Variants in PROS1 observed in about 807,000 individuals in gnomAD.
The protein encoded by PROS1 is protein S.
A neutral mutation model predicts 75.9 loss-of-function variants in PROS1; 29 were observed. The observed-to-expected ratio is 0.38, with a 90% CI of 0.28 to 0.52. PROS1 has a LOEUF of 0.52. PROS1 is among the 20% of genes least tolerant of loss of function. PROS1 has a pLI of 0.83. For synonymous variants in PROS1, 245 were observed against 280.6 expected (o/e 0.87, Z 1.27); for missense variants, 680 against 810.3 (o/e 0.84, Z 1.95).
At chr3:93,885,213 C>T (rs1371117118) in intron 11 of PROS1, among the ~76,000 whole-genome samples, 8 of 151,950 alleles carry the variant, frequency 5.3e-5, no homozygotes, top group Non-Finnish European at 1.2e-4. Flanking sequence ...TAGCTGTGGC[C>T]CTGGGCTCTA....
chr3:93,959,926 T>C (rs1422048644), intron 1 of PROS1, among the ~76,000 whole-genome samples: 5 of 152,240 alleles, frequency 3.3e-5, no homozygotes, highest in African/African-American at 1.2e-4. Flanking sequence ...GCTGGTGTGT[T>C]AGCAGGCATA....
At chr3:93,919,637 C>G (rs530413104) in intron 3 of PROS1, among the ~76,000 whole-genome samples, 41 of 152,100 alleles carry the variant, frequency 2.7e-4, no homozygotes, top group Admixed American at 5.2e-4. Flanking sequence ...TTTCACCTTA[C>G]AGCTTGTGAA....
intron 1 of PROS1, among the ~76,000 whole-genome samples, chr3:93,930,664 G>T (rs1164669852): frequency 9.2e-5 from 14 of 152,122 alleles, no homozygotes; most frequent in Non-Finnish European, 1.5e-4. Context: ...GAAAGCAAAG[G>T]TCTAAATCAC....
intron 9 of PROS1, among the ~76,000 whole-genome samples, chr3:93,896,350 T>A (rs2107154769): frequency 6.6e-6 from 1 of 152,272 alleles, no homozygotes; most frequent in Non-Finnish European, 1.5e-5. Context: ...TGTAAAATGT[T>A]CATTGGGGAA....
At chr3:93,946,927 G>C (rs1047204224) in intron 1 of PROS1, among the ~76,000 whole-genome samples, 2 of 150,262 alleles carry the variant, frequency 1.3e-5, no homozygotes, top group African/African-American at 4.9e-5. Flanking sequence ...ATCTGACAAA[G>C]GGCTAATATC....
chr3:93,952,703 G>A (rs1015756664), intron 1 of PROS1, among the ~76,000 whole-genome samples: 3 of 152,116 alleles, frequency 2.0e-5, no homozygotes, highest in African/African-American at 7.2e-5. Context: ...TCAAAAGCTA[G>A]CAGAAGGCAA....
intron 3 of PROS1, among the ~76,000 whole-genome samples, chr3:93,918,353 C>G (rs1420550296): frequency 1.3e-5 from 2 of 151,970 alleles, no homozygotes; most frequent in Non-Finnish European, 2.9e-5. Context: ...GCAGGCTGCC[C>G]GAGCCAGCAG....
intron 1 of PROS1, among the ~76,000 whole-genome samples, chr3:93,966,063 C>T (rs919170695): frequency 5.3e-5 from 8 of 152,110 alleles, no homozygotes; most frequent in African/African-American, 1.7e-4. Flanking sequence ...TATCAACAGA[C>T]GCCTCTCTGT....
Position 93,927,927 on chromosome 3 carries a change from G to GTA in PROS1, c.77-522_77-521dup, listed in dbSNP as rs570391919. Among the ~76,000 whole-genome samples the GTA allele has an allele frequency of 4.0e-3, 496 of 123,456 alleles. 3 individuals are homozygous for GTA. Among genetic ancestry groups the GTA allele is most frequent in the African/African-American group, 0.01 (332 of 33,152 alleles). 81.0% of individuals were successfully genotyped at this position (123,456 alleles called of 152,430 possible). A position where few individuals can be genotyped will look rare whatever the true frequency, so the allele number is the denominator to read the frequency against. On this transcript the variant is annotated intron_variant, in intron 1 of 14. Transcript: ENST00000394236. ...TGTGTGTGTGTGTATATATATATGTGTATATATATATGTATATATATATAC... is the reference window on the plus strand; with the variant it reads ...TGTGTGTGTGTGTATATATATATGTGTATATATATATATGTATATATATATAC...
chr3:93,942,062 C>T (rs887168044), intron 1 of PROS1, among the ~76,000 whole-genome samples: 3 of 152,094 alleles, frequency 2.0e-5, no homozygotes, highest in African/African-American at 4.8e-5. Context: ...TCCATTTCCC[C>T]ATATTTCCTT....
intron 3 of PROS1, among the ~76,000 whole-genome samples, chr3:93,919,249 G>A (rs542470751): frequency 1.3e-5 from 2 of 152,272 alleles, no homozygotes; most frequent in African/African-American, 4.8e-5. Context: ...TCTCAGAGGT[G>A]CATTCTCACC....
At chr3:93,931,736 G>GT (rs1709109199) in intron 1 of PROS1, among the ~76,000 whole-genome samples, 2 of 151,628 alleles carry the variant, frequency 1.3e-5, no homozygotes, top group South Asian at 4.1e-4. Context: ...TTTGGTTACG[G>GT]TTTTGGCTGC....
Position 93,927,282 on chromosome 3 carries a change from C to T in PROS1, c.202G>A (p.Ala68Thr). The T allele has an allele frequency of 2.5e-6, 4 of 1,612,848 alleles. No homozygotes were observed. Among genetic ancestry groups the T allele is most frequent in the Non-Finnish European group, 3.4e-6 (4 of 1,180,006 alleles). Residue 68 changes from alanine (A) to threonine (T), a missense_variant, in exon 2 of 15, where the codon GCC (alanine) becomes ACC (threonine). Coordinates refer to ENST00000394236, the MANE Select transcript of PROS1 (RefSeq NM_000313.4). Reference protein sequence around the residue: ...CIEELCNKEEAREVFENDPET... With the variant: ...CIEELCNKEETREVFENDPET... ...GGGTCATTTTCAAAGACCTCCCTGG[C>T]TTCTTCTTTATTGCACAGTTCTTCG...
chr3:93,942,247 T>G (rs1374968203), intron 1 of PROS1, among the ~76,000 whole-genome samples: 2 of 152,104 alleles, frequency 1.3e-5, no homozygotes, highest in Admixed American at 6.6e-5. Flanking sequence ...TTGCCTTAAC[T>G]AGAGCCCTCA....
intron 3 of PROS1, among the ~76,000 whole-genome samples, chr3:93,919,479 A>G (rs1305006393): frequency 6.6e-6 from 1 of 151,762 alleles, no homozygotes; most frequent in Non-Finnish European, 1.5e-5. Context: ...GATTTGAAAA[A>G]AAATAAACAT....
intron 13 of PROS1, among the ~76,000 whole-genome samples, chr3:93,878,757 C>T (rs1398437437): frequency 6.6e-6 from 1 of 152,166 alleles, no homozygotes; most frequent in Non-Finnish European, 1.5e-5. Context: ...TAATTAAGCA[C>T]TGAATATCTG....
chr3:93,964,203 C>T (rs944094293), intron 1 of PROS1, among the ~76,000 whole-genome samples: 1 of 152,128 alleles, frequency 6.6e-6, no homozygotes, highest in African/African-American at 2.4e-5. Flanking sequence ...AACAGAATAA[C>T]AGTGATTTTA....
intron 1 of PROS1, among the ~76,000 whole-genome samples, chr3:93,950,642 TAACA>T (rs1709481403): frequency 1.3e-5 from 2 of 152,272 alleles, no homozygotes; most frequent in East Asian, 3.9e-4. Flanking sequence ...GAAGGAAAAC[TAACA>T]AACAGAAAAG....
chr3:93,904,000 A>G (rs1708635870), intron 6 of PROS1, among the ~76,000 whole-genome samples: 2 of 125,262 alleles, frequency 1.6e-5, no homozygotes, highest in East Asian at 4.9e-4. Flanking sequence ...AGAGTGTGAT[A>G]TTCCCCTTCC....
Sources: allele counts gnomAD v4.1 joint callset (sites outside exome capture counted in the v4.1 genomes callset), GRCh38; gene constraint gnomAD v4.1.1; transcripts MANE v1.5; gene names NCBI Gene and HGNC (gene_info 2026-07-23, HGNC 2026-07-21).